The following FEM1C variants were observed in gnomAD, a reference collection of about 807,000 sequenced individuals.
FEM1C encodes the protein fem-1 homolog C, also known as protein fem-1 homolog C.
Under a neutral mutation model 37.6 loss-of-function variants are expected in FEM1C, and 15 were observed. The observed-to-expected ratio is 0.40, with a 90% confidence interval of 0.27 to 0.61. FEM1C has a LOEUF of 0.61. FEM1C is among the 20% of genes least tolerant of loss of function. FEM1C has a pLI of 0.42. For synonymous variants in FEM1C, 287 were observed against 272.8 expected, an observed-to-expected ratio of 1.05 and a Z score of -0.51; for missense variants, 532 against 749.7, an observed-to-expected ratio of 0.71 and a Z score of 3.39.
intron 2 of FEM1C, among the ~76,000 whole-genome samples, chr5:115,536,145 G>T (rs1003447791): frequency 1.3e-5 from 2 of 151,900 alleles, no homozygotes; most frequent in Non-Finnish European, 2.9e-5. Flanking sequence ...GCTGATAGTT[G>T]TGATGGTTGT....
Position 115,523,665 on chromosome 5 carries a change from T to G in FEM1C, c.*643A>C, listed in dbSNP as rs539730529. 1 of 152,616 alleles carries G rather than the reference T, an allele frequency of 6.6e-6. No homozygotes were observed. Among genetic ancestry groups the G allele is most frequent in the East Asian group, 1.9e-4 (1 of 5,178 alleles). The allele number at this position is 152,616 out of a possible 1,614,324, so 9.5% of individuals were successfully genotyped here. ...AAAAATTGTCATGCTACAGAGTACT[T>G]TCAAAAAATTAAGTTTGTAACAAAC... On this transcript the variant is annotated 3_prime_UTR_variant, in exon 3 of 3. Coordinates refer to ENST00000274457, the MANE Select transcript of FEM1C (RefSeq NM_020177.3).
intron 2 of FEM1C, among the ~76,000 whole-genome samples, chr5:115,535,998 A>C (rs1004206065): frequency 2.0e-5 from 3 of 151,996 alleles, no homozygotes; most frequent in Non-Finnish European, 4.4e-5. Context: ...ATTTAAATTA[A>C]ATGTCCAGAA....
At position 115,539,035 on chromosome 5, in the gene FEM1C, C is replaced by T. The variant is rs933895582; in HGVS notation, c.544+3915G>A. Among the ~76,000 whole-genome samples, 7 of 152,122 alleles carry T rather than the reference C, an allele frequency of 4.6e-5. No homozygotes were observed. In the South Asian group the frequency reaches 1.2e-3, roughly 27 times the overall value. Reference sequence around the variant, plus strand: ...ATTCCTTCAGAAGTTAAAAATGTGACACCTCGTATCTTCTCATAACCTCCA... The same window carrying T: ...ATTCCTTCAGAAGTTAAAAATGTGATACCTCGTATCTTCTCATAACCTCCA... On this transcript the variant is annotated intron_variant, in intron 2 of 2. Transcript: ENST00000274457.
At chr5:115,542,402 A>G (rs1754261011) in intron 2 of FEM1C, among the ~76,000 whole-genome samples, 1 of 152,176 alleles carries the variant, frequency 6.6e-6, no homozygotes, top group Non-Finnish European at 1.5e-5. Context: ...TTGACCACAA[A>G]CAAATATAGA....
At chr5:115,533,245 A>C (rs1020134012) in intron 2 of FEM1C, among the ~76,000 whole-genome samples, 1 of 151,954 alleles carries the variant, frequency 6.6e-6, no homozygotes, top group Non-Finnish European at 1.5e-5. Context: ...ATATTTTCTC[A>C]TATCTGTTTA....
rs1481942634 is a variant in FEM1C, at chr5:115,523,195, A to T, written c.*1113T>A. The T allele has an allele frequency of 1.3e-5, 2 of 152,488 alleles. No individual in the cohort carries two copies. Among genetic ancestry groups the T allele is most frequent in the African/African-American group, 4.8e-5 (2 of 41,424 alleles). 9.4% of individuals were successfully genotyped at this position (152,488 alleles called of 1,614,324 possible). A position where few individuals can be genotyped will look rare whatever the true frequency, so the allele number is the denominator to read the frequency against. ...CTTTGATATTATGGCAGTAAATTGC[A>T]TACTAAAATACCTTAATTATCCTAG... On this transcript the variant is annotated 3_prime_UTR_variant, in exon 3 of 3. Transcript: ENST00000274457.
chr5:115,540,454 T>C (rs2127175161), intron 2 of FEM1C, among the ~76,000 whole-genome samples: 1 of 152,174 alleles, frequency 6.6e-6, no homozygotes, highest in African/African-American at 2.4e-5. Context: ...TCATGTTATA[T>C]GTAGTTTTTT....
chr5:115,544,079 C>T, intron 1 of FEM1C: 1 of 985,370 alleles, frequency 1.0e-6, no homozygotes, highest in Non-Finnish European at 1.2e-6. Flanking sequence ...TGGCCAAGGG[C>T]GCCAGGCTGG....
In FEM1C at chr5:115,524,570, G is replaced by A; in HGVS notation, c.1592C>T (p.Pro531Leu). ...VNVRDSDDNS[P>L]LHIAALNNHP... ...GTTGTTAAGAGCAGCGATATGCAGGGGACTGTTGTCATCCGAGTCTCTGAC... is the reference window on the plus strand; with the variant it reads ...GTTGTTAAGAGCAGCGATATGCAGGAGACTGTTGTCATCCGAGTCTCTGAC... Residue 531 changes from proline (P) to leucine (L), a missense_variant, in exon 3 of 3, where the codon CCC becomes CTC. Around this residue, in one of 3 missense-constraint regions of FEM1C, gnomAD observed 237 missense variants for 260.5 expected, o/e 0.91. Transcript: ENST00000274457. 6.2e-7 allele frequency: 1 copy of A among 1,613,096 alleles called. No individual in the cohort carries two copies.
At chr5:115,544,220 C>T in intron 1 of FEM1C, 1 of 976,504 alleles carries the variant, frequency 1.0e-6, no homozygotes, top group Non-Finnish European at 1.2e-6. Flanking sequence ...AATCCGCCTG[C>T]CTTTTAGTCA....
intron 2 of FEM1C, among the ~76,000 whole-genome samples, chr5:115,530,768 G>T (rs911029807): frequency 6.6e-6 from 1 of 151,890 alleles, no homozygotes; most frequent in East Asian, 1.9e-4. Context: ...TTGCTTCGTC[G>T]GTCAAAGAAG....
chr5:115,535,718 T>C (rs1450654890), intron 2 of FEM1C, among the ~76,000 whole-genome samples: 4 of 151,966 alleles, frequency 2.6e-5, no homozygotes, highest in African/African-American at 9.7e-5. Flanking sequence ...AGAGTTACCA[T>C]ACAACCCAAT....
intron 2 of FEM1C, among the ~76,000 whole-genome samples, chr5:115,533,739 AAAC>A (rs1426774933): frequency 1.3e-5 from 2 of 151,966 alleles, no homozygotes; most frequent in Admixed American, 1.3e-4. Flanking sequence ...ATGAACAATA[AAAC>A]AACACAAAGT....
In FEM1C at chr5:115,543,506, G is replaced by T; in HGVS notation, c.-13C>A. 1 of 1,585,176 alleles carries T rather than the reference G, an allele frequency of 6.3e-7. No individual in the cohort carries two copies. Among genetic ancestry groups the T allele is most frequent in the South Asian group, 1.1e-5 (1 of 87,148 alleles). On this transcript the variant is annotated 5_prime_UTR_variant, in exon 2 of 3. Transcript: ENST00000274457. ...TCTTTAGATCCATTTATGTCCAGTT[G>T]AGAGGCTGTGCTTTATTTATCTTTC...
At chr5:115,538,209 T>A (rs1366128863) in intron 2 of FEM1C, among the ~76,000 whole-genome samples, 2 of 152,010 alleles carry the variant, frequency 1.3e-5, no homozygotes, top group African/African-American at 4.8e-5. Flanking sequence ...ATTTCCATAA[T>A]GAAAAGGCAA....
In FEM1C at chr5:115,536,919, G is replaced by C. The variant is rs904127966; in HGVS notation, c.544+6031C>G. On this transcript the variant is annotated intron_variant, in intron 2 of 2. Coordinates refer to ENST00000274457, the MANE Select transcript of FEM1C (RefSeq NM_020177.3). ...AAGAATTGCATTTGAAATGAGTCTC[G>C]ATGTTAAGTAGAATTTTCAAGGCTA... 5.3e-5 allele frequency among the ~76,000 whole-genome samples: 8 copies of C among 151,962 alleles called. 1 individual carries two copies. Among genetic ancestry groups the C allele is most frequent in the South Asian group, 2.1e-4 (1 of 4,832 alleles).
intron 2 of FEM1C, among the ~76,000 whole-genome samples, chr5:115,535,378 C>T (rs1754104339): frequency 6.7e-6 from 1 of 149,888 alleles, no homozygotes; most frequent in Non-Finnish European, 1.5e-5. Flanking sequence ...ACAACTCTTA[C>T]AGTTCAGTAA....
Position 115,525,756 on chromosome 5 carries a change from G to GA in FEM1C, c.545-140dup, listed in dbSNP as rs151073202. The GA allele has an allele frequency of 4.3e-3, 2,696 of 621,812 alleles. 50 individuals carry two copies. Among genetic ancestry groups the GA allele is most frequent in the African/African-American group, 0.043 (2,286 of 53,046 alleles). The allele number at this position is 621,812 out of a possible 1,614,324, so 38.5% of individuals were successfully genotyped here. On this transcript the variant is annotated intron_variant, in intron 2 of 2. Coordinates refer to ENST00000274457, the MANE Select transcript of FEM1C (RefSeq NM_020177.3). Reference sequence around the variant, plus strand: ...TAGGACATACTTGGTTTACAAACGAGAAAAAAAAATTCCCCCAGTACCTAA... The same window carrying GA: ...TAGGACATACTTGGTTTACAAACGAGAAAAAAAAAATTCCCCCAGTACCTAA...
chr5:115,531,376 G>A (rs1005855590), intron 2 of FEM1C, among the ~76,000 whole-genome samples: 6 of 152,124 alleles, frequency 3.9e-5, no homozygotes, highest in African/African-American at 1.2e-4. Flanking sequence ...TGTGGAGAGA[G>A]CAATGAGGAA....
Sources: gnomAD v4.1 joint callset for allele counts (sites outside exome capture counted in the v4.1 genomes callset) on GRCh38, gnomAD v4.1.1 for gene constraint, gnomAD v4.1.1 regional missense constraint, MANE v1.5 for transcripts, NCBI Gene and HGNC (gene_info 2026-07-23, HGNC 2026-07-21) for gene names.